Variants in KLHL32 observed in about 807,000 individuals in gnomAD.
The protein encoded by KLHL32 is kelch-like protein 32.
KLHL32 carries 35 observed loss-of-function variants against 64.8 expected under a neutral mutation model. That is an observed-to-expected ratio of 0.54 (90% CI 0.41 to 0.72). The LOEUF is 0.72. KLHL32 is among the 30% of genes least tolerant of loss of function. KLHL32 has a pLI of 0.00. For synonymous variants in KLHL32, 259 were observed against 281.0 expected (o/e 0.92, Z 0.78); for missense variants, 589 against 768.5 (o/e 0.77, Z 2.76).
chr6:97,001,000 A>G, intron 3 of KLHL32, among the ~76,000 whole-genome samples: 1 of 152,208 alleles, frequency 6.6e-6, no homozygotes, highest in East Asian at 1.9e-4. Context: ...GAGACAATAA[A>G]AGGTCAGTGT....
chr6:96,995,827 T>G (rs776805108), intron 3 of KLHL32, among the ~76,000 whole-genome samples: 1 of 152,250 alleles, frequency 6.6e-6, no homozygotes, highest in South Asian at 2.1e-4. Context: ...TTTTTTGAAA[T>G]CTTAATACTT....
intron 4 of KLHL32, among the ~76,000 whole-genome samples, chr6:97,059,220 A>T (rs1162300544): frequency 6.6e-6 from 1 of 152,196 alleles, no homozygotes; most frequent in Non-Finnish European, 1.5e-5. Flanking sequence ...TAGGATTTTG[A>T]CATATGGAAA....
At chr6:97,097,598 T>C (rs954000468) in intron 6 of KLHL32, among the ~76,000 whole-genome samples, 5 of 152,006 alleles carry the variant, frequency 3.3e-5, no homozygotes, top group East Asian at 3.9e-4. Context: ...GAGGAAGTTC[T>C]TTCACTCGGT....
At chr6:96,973,814 C>T (rs1362762393) in intron 2 of KLHL32, among the ~76,000 whole-genome samples, 2 of 147,750 alleles carry the variant, frequency 1.4e-5, no homozygotes, top group South Asian at 4.3e-4. Flanking sequence ...CCTCCACCTA[C>T]TGGGTTCAAG....
At chr6:96,991,220 C>T (rs1177730820) in intron 3 of KLHL32, among the ~76,000 whole-genome samples, 1 of 151,954 alleles carries the variant, frequency 6.6e-6, no homozygotes, top group African/African-American at 2.4e-5. Context: ...TGTTGGTTGC[C>T]TCTGGGAGCC....
At chr6:97,116,407 ACTTGT>A (rs1301801562) in intron 7 of KLHL32, among the ~76,000 whole-genome samples, 5 of 152,144 alleles carry the variant, frequency 3.3e-5, no homozygotes, top group Non-Finnish European at 1.5e-5. Flanking sequence ...ACAGATCTGT[ACTTGT>A]CTTGGATGGC....
intron 3 of KLHL32, among the ~76,000 whole-genome samples, chr6:97,009,496 C>G (rs1007336797): frequency 6.6e-6 from 1 of 152,084 alleles, no homozygotes; most frequent in Non-Finnish European, 1.5e-5. Flanking sequence ...CAATAGAGCA[C>G]TTGTATAAAT....
chr6:97,011,539 T>A (rs1034901204), intron 3 of KLHL32, among the ~76,000 whole-genome samples: 8 of 152,220 alleles, frequency 5.3e-5, no homozygotes, highest in African/African-American at 1.9e-4. Context: ...AAGAAAACTA[T>A]TAAATTATAA....
At chr6:97,007,852 T>G (rs1309045751) in intron 3 of KLHL32, among the ~76,000 whole-genome samples, 1 of 152,212 alleles carries the variant, frequency 6.6e-6, no homozygotes, top group Non-Finnish European at 1.5e-5. Context: ...AGGAACCTGC[T>G]GCACTGGAGG....
At chr6:97,039,305 G>T (rs543417694) in intron 3 of KLHL32, among the ~76,000 whole-genome samples, 281 of 152,162 alleles carry the variant, frequency 1.8e-3, no homozygotes, top group African/African-American at 6.3e-3. Context: ...ATATTGTTAA[G>T]TTGTCACTCA....
intron 3 of KLHL32, among the ~76,000 whole-genome samples, chr6:96,981,335 T>C (rs1776285759): frequency 6.6e-6 from 1 of 152,150 alleles, no homozygotes; most frequent in Non-Finnish European, 1.5e-5. Flanking sequence ...AAATTATATC[T>C]TGTGCACATA....
chr6:97,116,119 C>G (rs1797784103), intron 7 of KLHL32, among the ~76,000 whole-genome samples: 1 of 152,054 alleles, frequency 6.6e-6, no homozygotes, highest in Non-Finnish European at 1.5e-5. Flanking sequence ...GGTTTAAGTG[C>G]TCAATAAATT....
At chr6:96,986,238 G>A (rs1777041079) in intron 3 of KLHL32, among the ~76,000 whole-genome samples, 1 of 152,170 alleles carries the variant, frequency 6.6e-6, no homozygotes, top group South Asian at 2.1e-4. Flanking sequence ...TGGAATTTTT[G>A]TCTCAGAGGA....
intron 5 of KLHL32, among the ~76,000 whole-genome samples, chr6:97,079,169 A>G (rs909415264): frequency 2.6e-5 from 4 of 152,176 alleles, no homozygotes; most frequent in African/African-American, 9.7e-5. Context: ...TAAATTATAA[A>G]CAAAGTACTT....
At chr6:97,095,633 G>A (rs1295177454) in intron 6 of KLHL32, among the ~76,000 whole-genome samples, 1 of 152,204 alleles carries the variant, frequency 6.6e-6, no homozygotes, top group Non-Finnish European at 1.5e-5. Context: ...GCAGAAGGAA[G>A]TCATGCCTTA....
At chr6:97,130,296 A>C (rs2128221396) in intron 8 of KLHL32, among the ~76,000 whole-genome samples, 1 of 152,334 alleles carries the variant, frequency 6.6e-6, no homozygotes, top group African/African-American at 2.4e-5. Flanking sequence ...TGGCACAGAG[A>C]TATTAAGTAA....
chr6:96,908,411 TG>T, the KLHL32 span, among the ~76,000 whole-genome samples: 1 of 152,230 alleles, frequency 6.6e-6, no homozygotes. Context: ...GGGATTCATT[TG>T]TGAGACACAT....
At chr6:97,070,028 T>C (rs945605051) in intron 5 of KLHL32, among the ~76,000 whole-genome samples, 1 of 151,898 alleles carries the variant, frequency 6.6e-6, no homozygotes. Context: ...TCCTCAAGAT[T>C]GAGGAGAAGT....
At chr6:97,015,242 T>C (rs996478380) in intron 3 of KLHL32, among the ~76,000 whole-genome samples, 2 of 152,202 alleles carry the variant, frequency 1.3e-5, no homozygotes, top group Non-Finnish European at 2.9e-5. Context: ...AGGAAATTGA[T>C]ACTGCAGAGA....
Sources: gnomAD v4.1 joint callset for allele counts (sites outside exome capture counted in the v4.1 genomes callset) on GRCh38, gnomAD v4.1.1 for gene constraint, MANE v1.5 for transcripts, NCBI Gene and HGNC (gene_info 2026-07-23, HGNC 2026-07-21) for gene names.